SIPA1L1: variants seen among roughly 807,000 people sequenced by gnomAD.
SIPA1L1 encodes signal induced proliferation associated 1 like 1, also known as signal-induced proliferation-associated 1-like protein 1.
SIPA1L1 carries 26 observed loss-of-function variants against 162.7 expected under a neutral mutation model. The ratio of observed to expected loss-of-function variants is 0.16; its 90% CI spans 0.12 to 0.22. The LOEUF (loss-of-function observed/expected upper bound fraction) is 0.22. SIPA1L1 is among the 10% of genes least tolerant of loss of function. The pLI is 1.00. For synonymous variants in SIPA1L1, 829 were observed against 837.4 expected (o/e 0.99, Z 0.17); for missense variants, 1,874 against 2,241.0 (o/e 0.84, Z 3.31).
chr14:71,540,471 A>G (rs2054279085), intron 4 of SIPA1L1, among the ~76,000 whole-genome samples: 2 of 152,182 alleles, frequency 1.3e-5, no homozygotes, highest in African/African-American at 4.8e-5. Flanking sequence ...GTTTGAAGCC[A>G]GGAGCTCAAG....
rs1381794890 is a variant in SIPA1L1 at position 71,510,133 on chromosome 14, C to CT, written c.-464-2604dup. Among the ~76,000 whole-genome samples the CT allele has an allele frequency of 3.4e-5, 5 of 145,268 alleles. No homozygotes were observed. In the East Asian group the frequency reaches 6.2e-4, roughly 18 times the overall value. On this transcript the variant is annotated intron_variant, in intron 2 of 23. Transcript: ENST00000381232. Reference sequence around the variant, plus strand: ...AAATCTTTTCTCTTTATACAGCTTGCTTTTTTGTTTCTGCTCATGCTAGTT... The same window carrying CT: ...AAATCTTTTCTCTTTATACAGCTTGCTTTTTTTGTTTCTGCTCATGCTAGTT...
chr14:71,426,567 G>T (rs2043582815), intron 2 of SIPA1L1, among the ~76,000 whole-genome samples: 1 of 145,836 alleles, frequency 6.9e-6, no homozygotes, highest in Middle Eastern at 3.3e-3. Context: ...TTGGCTTACT[G>T]CAACCTCTGC....
chr14:71,389,408 G>A (rs2040579594), intron 2 of SIPA1L1, among the ~76,000 whole-genome samples: 1 of 152,150 alleles, frequency 6.6e-6, no homozygotes, highest in African/African-American at 2.4e-5. Flanking sequence ...GACTAGTTAA[G>A]GAAGATACAT....
At chr14:71,733,582 T>G (rs2085001029) in intron 20 of SIPA1L1, 84 bp from the exon 21 acceptor site, 1 of 1,363,488 alleles carries the variant, frequency 7.3e-7, no homozygotes, top group South Asian at 1.3e-5. Flanking sequence ...GCTTACAATC[T>G]ATTGTGGTAA....
At chr14:71,626,384 C>T (rs2039986658) in intron 7 of SIPA1L1, among the ~76,000 whole-genome samples, 2 of 152,106 alleles carry the variant, frequency 1.3e-5, no homozygotes, top group South Asian at 2.1e-4. Flanking sequence ...GGGTTAGCCT[C>T]TGTCTTTTTT....
At chr14:71,440,413 G>A (rs938533533) in intron 2 of SIPA1L1, among the ~76,000 whole-genome samples, 2 of 151,946 alleles carry the variant, frequency 1.3e-5, no homozygotes, top group Admixed American at 6.6e-5. Context: ...AGCATTTTGG[G>A]CAGCCGAGGC....
chr14:71,652,852 C>T (rs548180434), intron 8 of SIPA1L1, among the ~76,000 whole-genome samples: 7 of 152,186 alleles, frequency 4.6e-5, no homozygotes, highest in South Asian at 4.1e-4. Flanking sequence ...TTTAGGTTCA[C>T]GCTGTCCTTT....
intron 2 of SIPA1L1, among the ~76,000 whole-genome samples, chr14:71,370,447 T>C (rs761235865): frequency 7.2e-5 from 11 of 152,128 alleles, no homozygotes; most frequent in Non-Finnish European, 1.5e-4. Context: ...TTGGCTCTTA[T>C]TTTTGTGGTA....
At chr14:71,680,996 G>A (rs971052782) in intron 12 of SIPA1L1, among the ~76,000 whole-genome samples, 1 of 152,118 alleles carries the variant, frequency 6.6e-6, no homozygotes, top group Non-Finnish European at 1.5e-5. Context: ...TCCCTTCCCT[G>A]CTTCATATCA....
At chr14:71,628,236 G>C (rs1296879020) in intron 7 of SIPA1L1, among the ~76,000 whole-genome samples, 1 of 152,164 alleles carries the variant, frequency 6.6e-6, no homozygotes, top group Non-Finnish European at 1.5e-5. Flanking sequence ...TGCCATATCA[G>C]AGCCATTTTT....
At chr14:71,654,822 C>G (rs2042924371) in intron 8 of SIPA1L1, among the ~76,000 whole-genome samples, 1 of 152,096 alleles carries the variant, frequency 6.6e-6, no homozygotes, top group African/African-American at 2.4e-5. Context: ...CGCTCTTCAA[C>G]CAGATAAAAA....
chr14:71,642,515 C>G (rs1224666523), intron 7 of SIPA1L1, among the ~76,000 whole-genome samples: 2 of 152,208 alleles, frequency 1.3e-5, no homozygotes, highest in African/African-American at 4.8e-5. Context: ...AGACTAAACA[C>G]TGCTGTCGTA....
intron 12 of SIPA1L1, among the ~76,000 whole-genome samples, chr14:71,684,574 G>A (rs763392704): frequency 4.0e-5 from 6 of 151,244 alleles, no homozygotes; most frequent in Admixed American, 2.6e-4. Flanking sequence ...GAGCCCAGTC[G>A]CAATGTGCGG....
intron 5 of SIPA1L1, among the ~76,000 whole-genome samples, chr14:71,609,840 C>A (rs2037994964): frequency 6.6e-6 from 1 of 152,114 alleles, no homozygotes; most frequent in Non-Finnish European, 1.5e-5. Flanking sequence ...AGTCCTCCTA[C>A]CTTGACCTTG....
intron 2 of SIPA1L1, among the ~76,000 whole-genome samples, chr14:71,439,702 G>A (rs112220920): frequency 0.041 from 6,306 of 152,190 alleles, 250 homozygotes; most frequent in African/African-American, 0.1. Context: ...CACTGTTTCT[G>A]TTGTTTCTAA....
chr14:71,460,279 G>A (rs565638533), intron 2 of SIPA1L1, among the ~76,000 whole-genome samples: 5 of 152,270 alleles, frequency 3.3e-5, no homozygotes, highest in East Asian at 3.9e-4. Flanking sequence ...TCAGCGGGTC[G>A]TGGTTTTCTT....
At chr14:71,443,797 A>G (rs2045119786) in intron 2 of SIPA1L1, among the ~76,000 whole-genome samples, 1 of 152,216 alleles carries the variant, frequency 6.6e-6, no homozygotes, top group African/African-American at 2.4e-5. Context: ...TGAGAAATAA[A>G]GGAAATCACT....
At chr14:71,546,035 A>G (rs1263317174) in intron 4 of SIPA1L1, among the ~76,000 whole-genome samples, 1 of 151,984 alleles carries the variant, frequency 6.6e-6, no homozygotes, top group Non-Finnish European at 1.5e-5. Context: ...GTGAGCTGGG[A>G]TTGTCCCACT....
At chr14:71,619,993 A>G (rs966220150) in intron 6 of SIPA1L1, among the ~76,000 whole-genome samples, 2 of 152,220 alleles carry the variant, frequency 1.3e-5, no homozygotes, top group Non-Finnish European at 2.9e-5. Context: ...AGGCACGAAG[A>G]ACGTCATGTT....
Sources: gnomAD v4.1 joint callset for allele counts (sites outside exome capture counted in the v4.1 genomes callset) on GRCh38, gnomAD v4.1.1 for gene constraint, MANE v1.5 for transcripts, NCBI Gene and HGNC (gene_info 2026-07-23, HGNC 2026-07-21) for gene names.